The following OPCML variants were observed in gnomAD, a reference collection of about 807,000 sequenced individuals.
OPCML encodes opioid-binding protein/cell adhesion molecule.
OPCML carries 13 observed loss-of-function variants against 37.8 expected under a neutral mutation model. The ratio of observed to expected loss-of-function variants is 0.34; its 90% confidence interval spans 0.22 to 0.55. The LOEUF is 0.55. Among genes scored for constraint, OPCML ranks in the 20% least tolerant of loss-of-function variants. The probability of loss-of-function intolerance (pLI) is 0.91; values close to 1 mark genes in which losing one functional copy is unlikely to be tolerated. For missense variants in OPCML, 341 were observed against 435.6 expected (o/e 0.78, Z 1.93); for synonymous variants, 176 against 168.8 (o/e 1.04, Z -0.33).
chr11:133,489,879 C>CAT (rs200298953), intron 1 of OPCML, among the ~76,000 whole-genome samples: 3,439 of 151,198 alleles, frequency 0.023, 130 homozygotes, highest in African/African-American at 0.079. Context: ...CACACATATA[C>CAT]ATATACACAC....
intron 1 of OPCML, among the ~76,000 whole-genome samples, chr11:133,481,016 G>A (rs559377702): frequency 5.3e-5 from 8 of 152,200 alleles, no homozygotes; most frequent in Non-Finnish European, 1.2e-4. Context: ...CAGGCACTTG[G>A]GGGCTCTGGC....
chr11:132,767,535 G>A (rs1319709064), intron 2 of OPCML, among the ~76,000 whole-genome samples: 7 of 152,166 alleles, frequency 4.6e-5, no homozygotes, highest in Non-Finnish European at 1.0e-4. Flanking sequence ...TGGCAGTCAT[G>A]GGGACTGACT....
At chr11:132,732,604 GA>G (rs1285859921) in intron 2 of OPCML, among the ~76,000 whole-genome samples, 10 of 152,120 alleles carry the variant, frequency 6.6e-5, no homozygotes, top group Admixed American at 6.6e-4. Context: ...AGAGAACAGT[GA>G]GGAAAAAAGC....
chr11:132,928,379 C>A (rs1412345408), intron 2 of OPCML, among the ~76,000 whole-genome samples: 1 of 151,884 alleles, frequency 6.6e-6, no homozygotes, highest in Non-Finnish European at 1.5e-5. Context: ...TCACAAAAAA[C>A]ACATGATGTT....
At chr11:133,154,424 A>T (rs1194332261) in intron 1 of OPCML, among the ~76,000 whole-genome samples, 1 of 152,142 alleles carries the variant, frequency 6.6e-6, no homozygotes, top group Non-Finnish European at 1.5e-5. Context: ...TTATTTTTGT[A>T]ACAGGTTCTG....
chr11:133,007,689 G>T, intron 1 of OPCML: 1 of 985,378 alleles, frequency 1.0e-6, no homozygotes, highest in Non-Finnish European at 1.2e-6. Flanking sequence ...GAGAGATGAA[G>T]AAATTAAGCC....
intron 1 of OPCML, among the ~76,000 whole-genome samples, chr11:133,425,679 T>G (rs1194109632): frequency 6.6e-6 from 1 of 152,072 alleles, no homozygotes; most frequent in African/African-American, 2.4e-5. Context: ...TCACATGGAG[T>G]AGGGGTCTAC....
At chr11:133,131,214 G>T (rs1462981917) in intron 1 of OPCML, among the ~76,000 whole-genome samples, 1 of 152,080 alleles carries the variant, frequency 6.6e-6, no homozygotes, top group African/African-American at 2.4e-5. Flanking sequence ...CTCCAGAACT[G>T]TAGGAAATAA....
At chr11:133,175,283 A>T (rs1314036070) in intron 1 of OPCML, among the ~76,000 whole-genome samples, 11 of 152,324 alleles carry the variant, frequency 7.2e-5, no homozygotes, top group African/African-American at 2.4e-4. Flanking sequence ...GATGTGGCTG[A>T]GAGGAAGGAC....
At chr11:132,507,404 T>C (rs1426542158) in intron 4 of OPCML, among the ~76,000 whole-genome samples, 1 of 151,978 alleles carries the variant, frequency 6.6e-6, no homozygotes, top group Non-Finnish European at 1.5e-5. Flanking sequence ...TTATACCATA[T>C]GAATTATATA....
rs976552196 is a variant in OPCML at position 132,417,624 on chromosome 11, CA to C, written c.*2568del. The C allele has an allele frequency of 2.0e-4, 31 of 152,110 alleles. No individual in the cohort carries two copies. The highest frequency in any genetic ancestry group is 7.0e-4 in the African/African-American group (29 of 41,396). 9.4% of individuals were successfully genotyped at this position (152,110 alleles called of 1,614,324 possible). On this transcript the variant is annotated 3_prime_UTR_variant, in exon 8 of 8. Transcript: ENST00000524381. Reference sequence around the variant, plus strand: ...CAAGTCTTGGAGTGAGGAATAGGTCCAGCTTGTCCATTTCAAGCACTGTGTT... The same window carrying C: ...CAAGTCTTGGAGTGAGGAATAGGTCCGCTTGTCCATTTCAAGCACTGTGTT...
intron 4 of OPCML, among the ~76,000 whole-genome samples, chr11:132,491,399 C>T (rs2096215145): frequency 6.6e-6 from 1 of 152,232 alleles, no homozygotes; most frequent in South Asian, 2.1e-4. Context: ...ACAGGGGTCC[C>T]CTTGCTCTTT....
chr11:133,141,181 A>C (rs976278682), intron 1 of OPCML, among the ~76,000 whole-genome samples: 39 of 152,062 alleles, frequency 2.6e-4, no homozygotes, highest in African/African-American at 9.2e-4. Flanking sequence ...CAGGTGAAGG[A>C]GAGGAACAAG....
intron 1 of OPCML, among the ~76,000 whole-genome samples, chr11:133,357,054 G>A (rs1212369980): frequency 2.0e-5 from 3 of 152,152 alleles, no homozygotes; most frequent in South Asian, 2.1e-4. Flanking sequence ...TCATTCAACC[G>A]TTTGCTCTAG....
intron 1 of OPCML, among the ~76,000 whole-genome samples, chr11:133,135,943 G>A (rs892510283): frequency 7.9e-5 from 12 of 152,254 alleles, no homozygotes; most frequent in Admixed American, 4.6e-4. Flanking sequence ...ATGTAACAGC[G>A]GCAGAACTCC....
intron 2 of OPCML, among the ~76,000 whole-genome samples, chr11:132,871,845 C>A (rs550748831): frequency 1.3e-5 from 2 of 152,240 alleles, no homozygotes; most frequent in South Asian, 4.2e-4. Flanking sequence ...TGTATGTATG[C>A]CTTTGTTTTG....
At chr11:133,462,714 C>G (rs1004833389) in intron 1 of OPCML, among the ~76,000 whole-genome samples, 7 of 151,984 alleles carry the variant, frequency 4.6e-5, no homozygotes, top group Non-Finnish European at 7.4e-5. Flanking sequence ...AAATTGAAAT[C>G]CTCGTAGCAT....
At chr11:133,278,240 C>T (rs946479402) in intron 1 of OPCML, among the ~76,000 whole-genome samples, 7 of 152,124 alleles carry the variant, frequency 4.6e-5, no homozygotes, top group African/African-American at 1.4e-4. Context: ...TTTCTGTCTT[C>T]AGCTCCCTAT....
chr11:133,517,581 G>C (rs1378234303), intron 1 of OPCML, among the ~76,000 whole-genome samples: 3 of 152,220 alleles, frequency 2.0e-5, no homozygotes, highest in Non-Finnish European at 2.9e-5. Context: ...CAGAAACCCA[G>C]GCATCAGGAC....
Sources: allele counts gnomAD v4.1 joint callset (sites outside exome capture counted in the v4.1 genomes callset), GRCh38; gene constraint gnomAD v4.1.1; transcripts MANE v1.5; gene names NCBI Gene and HGNC (gene_info 2026-07-23, HGNC 2026-07-21).